TRPC4AP: variants seen among roughly 807,000 people sequenced by gnomAD.
The protein encoded by TRPC4AP is short transient receptor potential channel 4-associated protein.
In TRPC4AP, 45 loss-of-function variants were observed where a neutral mutation model predicts 99.0. The ratio of observed to expected loss-of-function variants is 0.45; its 90% CI spans 0.36 to 0.58. The LOEUF is 0.58. Among genes scored for constraint, TRPC4AP ranks in the 20% least tolerant of loss-of-function variants. The pLI, the probability that TRPC4AP is intolerant of heterozygous loss-of-function variation, is 0.00. For synonymous variants in TRPC4AP, 408 were observed against 385.8 expected, an observed-to-expected ratio of 1.06 and a Z score of -0.67; for missense variants, 879 against 985.3, an observed-to-expected ratio of 0.89 and a Z score of 1.44.
At chr20:35,090,101 CA>C (rs11478429) in intron 1 of TRPC4AP, among the ~76,000 whole-genome samples, 79,560 of 131,476 alleles carry the variant, frequency 0.61, 23,095 homozygotes, top group Middle Eastern at 0.75. Flanking sequence ...GATTCTGTCT[CA>C]AAAAAAAAAA....
intron 6 of TRPC4AP, among the ~76,000 whole-genome samples, chr20:35,045,697 C>T (rs1018175132): frequency 3.9e-5 from 6 of 152,132 alleles, no homozygotes; most frequent in Non-Finnish European, 8.8e-5. Context: ...CGCCACCACG[C>T]CTGGCTAATT....
At chr20:35,019,207 G>A (rs997986175) in intron 9 of TRPC4AP, among the ~76,000 whole-genome samples, 3 of 152,166 alleles carry the variant, frequency 2.0e-5, no homozygotes, top group Non-Finnish European at 2.9e-5. Context: ...AGATCCTCAC[G>A]GTGCCCGGCA....
chr20:35,050,473 G>C (rs1369779124), intron 5 of TRPC4AP, among the ~76,000 whole-genome samples: 2 of 152,120 alleles, frequency 1.3e-5, no homozygotes, highest in East Asian at 3.9e-4. Flanking sequence ...CCAGCACTTT[G>C]GGAGGCCAAG....
chr20:35,043,620 G>A (rs746058512), intron 7 of TRPC4AP, among the ~76,000 whole-genome samples: 2 of 152,126 alleles, frequency 1.3e-5, no homozygotes, highest in Non-Finnish European at 2.9e-5. Flanking sequence ...ATGGCAGATA[G>A]CACCAAACCC....
intron 9 of TRPC4AP, among the ~76,000 whole-genome samples, chr20:35,016,560 T>G (rs1330625447): frequency 6.6e-6 from 1 of 152,052 alleles, no homozygotes; most frequent in African/African-American, 2.4e-5. Context: ...TGCTTTGCAC[T>G]AGGATAAATT....
rs192276947 is a variant in TRPC4AP, at chr20:35,069,746, G to A, written c.298-334C>T. Among the ~76,000 whole-genome samples, 399 of 152,250 alleles carry A rather than the reference G, an allele frequency of 2.6e-3. 3 individuals are homozygous for A. The highest frequency in any genetic ancestry group is 0.01 in the Middle Eastern group (3 of 294). ...ACTTGAGGCCAGGAGTTTGAGACCA[G>A]CCTGGCCAACATGGCAAAACCCCAT... On this transcript the variant is annotated intron_variant, in intron 2 of 18. Transcript: ENST00000252015.
At chr20:35,028,813 T>C (rs747480268) in intron 8 of TRPC4AP, among the ~76,000 whole-genome samples, 2 of 152,248 alleles carry the variant, frequency 1.3e-5, no homozygotes, top group African/African-American at 2.4e-5. Context: ...TCTTCCAATC[T>C]GTTAGTTTTT....
intron 8 of TRPC4AP, among the ~76,000 whole-genome samples, chr20:35,025,389 G>C (rs1344030109): frequency 2.0e-5 from 3 of 152,050 alleles, no homozygotes; most frequent in African/African-American, 4.8e-5. Flanking sequence ...GTCTTGCTCT[G>C]TTGTTTGAGC....
intron 7 of TRPC4AP, among the ~76,000 whole-genome samples, chr20:35,038,783 A>T (rs8114128): frequency 0.057 from 8,657 of 152,314 alleles, 821 homozygotes; most frequent in African/African-American, 0.2. Flanking sequence ...TCTAAAAACA[A>T]ATCAGTAGGC....
intron 5 of TRPC4AP, among the ~76,000 whole-genome samples, chr20:35,052,586 G>C (rs967748323): frequency 6.6e-5 from 10 of 152,020 alleles, no homozygotes; most frequent in South Asian, 4.2e-4. Context: ...ACCTCTGCCT[G>C]CTGGGTTCAA....
chr20:35,005,974 C>T lies in TRPC4AP; in HGVS notation c.1828-171G>A, dbSNP rs370546948. On this transcript the variant is annotated intron_variant, in intron 15 of 18. Coordinates refer to ENST00000252015, the MANE Select transcript of TRPC4AP (RefSeq NM_015638.3). ...GGGACCTCCCCTCACCACCCAGGTA[C>T]TAAGAGGCACTCCCCGGAATTCAGC... Among the ~76,000 whole-genome samples, 10 of 152,356 alleles carry T rather than the reference C, an allele frequency of 6.6e-5. No individual in the cohort carries two copies. The South Asian group carries it at 1.9e-3, about 28-fold the overall frequency.
At chr20:35,005,977 A>G (rs1217125646) in intron 15 of TRPC4AP, among the ~76,000 whole-genome samples, 174 bp from the exon 16 acceptor site, 1 of 152,202 alleles carries the variant, frequency 6.6e-6, no homozygotes, top group African/African-American at 2.4e-5. Flanking sequence ...CCAGGTACTA[A>G]GAGGCACTCC....
intron 1 of TRPC4AP, among the ~76,000 whole-genome samples, chr20:35,087,338 C>CAA (rs11483432): frequency 0.04 from 4,443 of 111,390 alleles, 276 homozygotes; most frequent in African/African-American, 0.13. Flanking sequence ...GACTCCATCT[C>CAA]AAAAAAAAAA....
At chr20:35,088,097 G>A (rs2038503) in intron 1 of TRPC4AP, among the ~76,000 whole-genome samples, 60,992 of 152,058 alleles carry the variant, frequency 0.4, 13,243 homozygotes, top group East Asian at 0.59. Flanking sequence ...GTATAGAGCA[G>A]TTATTAATAA....
chr20:35,046,542 G>A (rs187735097), intron 6 of TRPC4AP, among the ~76,000 whole-genome samples: 1 of 152,198 alleles, frequency 6.6e-6, no homozygotes, highest in African/African-American at 2.4e-5. Context: ...TTTCTCCTGA[G>A]ACTCAATGCA....
At chr20:35,033,055 G>A (rs1332907575) in intron 8 of TRPC4AP, among the ~76,000 whole-genome samples, 2 of 151,944 alleles carry the variant, frequency 1.3e-5, no homozygotes, top group African/African-American at 2.4e-5. Flanking sequence ...AAATTAGCCG[G>A]GTGTGGTGGC....
At chr20:35,077,116 T>C (rs958805492) in intron 2 of TRPC4AP, among the ~76,000 whole-genome samples, 9 of 152,176 alleles carry the variant, frequency 5.9e-5, no homozygotes, top group African/African-American at 1.9e-4. Context: ...GTTGGAAAAG[T>C]GCAGTTATTA....
chr20:35,014,950 C>T (rs1435642347), intron 10 of TRPC4AP, among the ~76,000 whole-genome samples: 1 of 152,196 alleles, frequency 6.6e-6, no homozygotes, highest in African/African-American at 2.4e-5. Flanking sequence ...CTCAAGGGGA[C>T]TGTGAGAGAC....
intron 1 of TRPC4AP, among the ~76,000 whole-genome samples, chr20:35,084,566 A>G (rs2084760217): frequency 1.4e-5 from 2 of 138,608 alleles, no homozygotes; most frequent in Admixed American, 7.4e-5. Flanking sequence ...ATATGCATAT[A>G]TGTGTATATG....
Sources: gnomAD v4.1 joint callset for allele counts (sites outside exome capture counted in the v4.1 genomes callset) on GRCh38, gnomAD v4.1.1 for gene constraint, MANE v1.5 for transcripts, NCBI Gene and HGNC (gene_info 2026-07-23, HGNC 2026-07-21) for gene names.